CADM2: variants seen among roughly 807,000 people sequenced by gnomAD.
CADM2 encodes immunoglobulin superfamily member 4D.
CADM2 carries 12 observed loss-of-function variants against 49.8 expected under a neutral mutation model. The ratio of observed to expected loss-of-function variants is 0.24; its 90% CI spans 0.15 to 0.39. CADM2 has a LOEUF of 0.39. CADM2 is among the 10% of genes least tolerant of loss of function. The pLI, the probability that CADM2 is intolerant of heterozygous loss-of-function variation, is 1.00. For synonymous variants in CADM2, 214 were observed against 175.4 expected, an observed-to-expected ratio of 1.22 and a Z score of -1.74; for missense variants, 378 against 492.3, an observed-to-expected ratio of 0.77 and a Z score of 2.20.
intron 1 of CADM2, among the ~76,000 whole-genome samples, chr3:85,472,861 G>A (rs2038826253): frequency 6.6e-6 from 1 of 152,066 alleles, no homozygotes; most frequent in Admixed American, 6.6e-5. Context: ...AGCTAGGAGT[G>A]ATAGAGTAAC....
chr3:85,568,244 A>G (rs1451382270), intron 1 of CADM2, among the ~76,000 whole-genome samples: 1 of 152,160 alleles, frequency 6.6e-6, no homozygotes, highest in African/African-American at 2.4e-5. Context: ...AATAATCACA[A>G]TTCACTCTGC....
intron 1 of CADM2, among the ~76,000 whole-genome samples, chr3:85,657,684 GTA>G (rs1252760847): frequency 8.3e-5 from 11 of 131,842 alleles, no homozygotes; most frequent in Non-Finnish European, 1.3e-4. Context: ...ACACACTTAT[GTA>G]TATATATACA....
chr3:85,763,037 C>CATTATTGACAATATTT (rs2069469055), intron 2 of CADM2, among the ~76,000 whole-genome samples: 1 of 152,086 alleles, frequency 6.6e-6, no homozygotes, highest in Admixed American at 6.6e-5. Flanking sequence ...CATTCCTGGA[C>CATTATTGACAATATTT]ATTATTGACA....
intron 1 of CADM2, among the ~76,000 whole-genome samples, chr3:85,515,981 A>C (rs924611526): frequency 6.6e-6 from 1 of 152,208 alleles, no homozygotes; most frequent in African/African-American, 2.4e-5. Flanking sequence ...CAAACTTGTC[A>C]TCCTCATAAG....
intron 1 of CADM2, among the ~76,000 whole-genome samples, chr3:85,037,073 G>A (rs574964667): frequency 5.3e-5 from 8 of 152,000 alleles, no homozygotes; most frequent in African/African-American, 1.9e-4. Flanking sequence ...GGGAGGCTAA[G>A]GCAGGAGAAT....
chr3:85,128,591 G>A (rs80097549), intron 1 of CADM2, among the ~76,000 whole-genome samples: 10,472 of 152,112 alleles, frequency 0.069, 1,191 homozygotes, highest in African/African-American at 0.24. Flanking sequence ...TGACAAGTCA[G>A]AAGGTGGAAG....
At chr3:85,902,813 G>C (rs1026400741) in intron 5 of CADM2, among the ~76,000 whole-genome samples, 1 of 151,520 alleles carries the variant, frequency 6.6e-6, no homozygotes, top group African/African-American at 2.4e-5. Flanking sequence ...AGAAGATATA[G>C]AAATGCTACT....
intron 7 of CADM2, among the ~76,000 whole-genome samples, chr3:85,949,117 C>T (rs770791352): frequency 2.0e-5 from 3 of 151,398 alleles, no homozygotes; most frequent in Admixed American, 6.6e-5. Context: ...ATACAGCACT[C>T]TCACTGTGAG....
chr3:85,321,959 A>G (rs1271123353), intron 1 of CADM2, among the ~76,000 whole-genome samples: 1 of 152,228 alleles, frequency 6.6e-6, no homozygotes. Flanking sequence ...GCAGAACTGA[A>G]ATTGCTAACG....
At chr3:85,566,580 G>A (rs942298053) in intron 1 of CADM2, among the ~76,000 whole-genome samples, 7 of 152,004 alleles carry the variant, frequency 4.6e-5, no homozygotes, top group Non-Finnish European at 8.8e-5. Flanking sequence ...ATGTGTGCTA[G>A]GCTGAGATTT....
At chr3:85,379,137 A>G (rs2033757150) in intron 1 of CADM2, among the ~76,000 whole-genome samples, 1 of 151,936 alleles carries the variant, frequency 6.6e-6, no homozygotes, top group African/African-American at 2.4e-5. Flanking sequence ...AGGTGGATTG[A>G]ATATCCAAAA....
At chr3:85,446,750 G>T (rs1471724504) in intron 1 of CADM2, among the ~76,000 whole-genome samples, 1 of 149,796 alleles carries the variant, frequency 6.7e-6, no homozygotes, top group Admixed American at 6.7e-5. Flanking sequence ...TTATAGGCAT[G>T]GGCCACCACA....
At chr3:84,996,765 A>C (rs2033200650) in intron 1 of CADM2, among the ~76,000 whole-genome samples, 1 of 152,096 alleles carries the variant, frequency 6.6e-6, no homozygotes, top group Non-Finnish European at 1.5e-5. Context: ...ATAATTTACA[A>C]AATCAGGATC....
chr3:85,314,493 T>C (rs547962649), intron 1 of CADM2, among the ~76,000 whole-genome samples: 46 of 152,258 alleles, frequency 3.0e-4, no homozygotes, highest in African/African-American at 1.1e-3. Context: ...ATAATCTTAA[T>C]TGTAACCTAA....
chr3:85,013,540 G>A (rs1412394190), intron 1 of CADM2, among the ~76,000 whole-genome samples: 1 of 151,706 alleles, frequency 6.6e-6, no homozygotes, highest in Non-Finnish European at 1.5e-5. Flanking sequence ...AATTCTTGTG[G>A]CATAAATGTT....
chr3:85,403,003 T>C (rs915657367), intron 1 of CADM2, among the ~76,000 whole-genome samples: 1 of 152,168 alleles, frequency 6.6e-6, no homozygotes, highest in South Asian at 2.1e-4. Flanking sequence ...AGCATCATTA[T>C]TGCCTCACGG....
chr3:84,968,324 C>T (rs1454298445), intron 1 of CADM2, among the ~76,000 whole-genome samples: 1 of 152,000 alleles, frequency 6.6e-6, no homozygotes, highest in African/African-American at 2.4e-5. Context: ...CTACGAGGTT[C>T]CCCTAAGGAT....
At chr3:85,441,878 G>GA (rs922854903) in intron 1 of CADM2, among the ~76,000 whole-genome samples, 68 of 151,566 alleles carry the variant, frequency 4.5e-4, no homozygotes, top group African/African-American at 7.3e-4. Flanking sequence ...GTGACTAGAA[G>GA]AAAAAAAGAT....
chr3:85,568,467 T>TTCTTTCTTTCTTTCTCTTTC (rs1559916047), intron 1 of CADM2, among the ~76,000 whole-genome samples: 11 of 24,512 alleles, frequency 4.5e-4, no homozygotes, highest in African/African-American at 1.1e-3. Flanking sequence ...TTCTTTCTCT[T>TTCTTTCTTTCTTTCTCTTTC]TCTCTCTCTT....
Sources: gnomAD v4.1 joint callset for allele counts (sites outside exome capture counted in the v4.1 genomes callset) on GRCh38, gnomAD v4.1.1 for gene constraint, MANE v1.5 for transcripts, NCBI Gene and HGNC (gene_info 2026-07-23, HGNC 2026-07-21) for gene names.